Variants in TRAPPC13 observed in about 807,000 individuals in gnomAD.
TRAPPC13 encodes the protein REV7-interacting novel NHEJ regulator 1.
A neutral mutation model predicts 54.0 loss-of-function variants in TRAPPC13; 39 were observed. That is an observed-to-expected ratio of 0.72 (90% CI 0.56 to 0.94). TRAPPC13 has a LOEUF of 0.94. Ranked by LOEUF, TRAPPC13 falls within the 40% of genes least tolerant of loss-of-function variation. The pLI is 0.00. For missense variants in TRAPPC13, 386 were observed against 488.1 expected (o/e 0.79, Z 1.97); for synonymous variants, 148 against 167.7 (o/e 0.88, Z 0.91).
At chr5:65,653,668 G>C (rs1756554747) in intron 7 of TRAPPC13, among the ~76,000 whole-genome samples, 1 of 152,176 alleles carries the variant, frequency 6.6e-6, no homozygotes, top group South Asian at 2.1e-4. Flanking sequence ...TGAAAGGAAT[G>C]CAGGTTGGAA....
At chr5:65,634,717 C>A (rs2150666894) in intron 1 of TRAPPC13, among the ~76,000 whole-genome samples, 1 of 146,982 alleles carries the variant, frequency 6.8e-6, no homozygotes, top group African/African-American at 2.5e-5. Context: ...ATGGTGAAAC[C>A]CCGTCTCTAC....
At position 65,625,115 on chromosome 5, in the gene TRAPPC13, T is replaced by C. The variant is rs1342944205; in HGVS notation, c.46+9T>C. 1.2e-6 allele frequency: 2 copies of C among 1,611,976 alleles called. No homozygotes were observed. The highest frequency in any genetic ancestry group is 2.2e-5 in the East Asian group (1 of 44,862). On this transcript the variant is annotated intron_variant, in intron 1 of 12. Transcript: ENST00000399438. ...CCTGCTGGCGCTAAAAGGTAAACTTTTGCGAACCTGATTCCCCCTTTTCTG... is the reference window on the plus strand; with the variant it reads ...CCTGCTGGCGCTAAAAGGTAAACTTCTGCGAACCTGATTCCCCCTTTTCTG...
intron 5 of TRAPPC13, among the ~76,000 whole-genome samples, chr5:65,648,389 T>C (rs1756290690): frequency 1.0e-5 from 1 of 95,768 alleles, no homozygotes; most frequent in African/African-American, 3.6e-5. Flanking sequence ...ATTTACTTAT[T>C]GAGTGCCTGT....
At chr5:65,632,310 C>G (rs1755578875) in intron 1 of TRAPPC13, among the ~76,000 whole-genome samples, 1 of 152,142 alleles carries the variant, frequency 6.6e-6, no homozygotes, top group Non-Finnish European at 1.5e-5. Context: ...CTGTGTATCA[C>G]TTTCAGGGCA....
rs1484645976 is a variant in TRAPPC13, at chr5:65,636,026, T to C, written c.198T>C (p.Thr66=). 1 of 1,594,324 alleles carries C rather than the reference T, an allele frequency of 6.3e-7. No homozygotes were observed. The highest frequency in any genetic ancestry group is 1.1e-5 in the South Asian group (1 of 87,540). ...AEVLMLGEML[T]LPQNFGNIFL... is the part of the protein sequence containing the mutation. Reference sequence around the variant, plus strand: ...TTTTAATGTTGGGAGAAATGCTGACTTTACCACAGAATTTTGGGTAAGAAT... The same window carrying C: ...TTTTAATGTTGGGAGAAATGCTGACCTTACCACAGAATTTTGGGTAAGAAT... The change falls in exon 3 of 13, where the codon ACT becomes ACC. Residue 66 remains threonine, a synonymous_variant. Coordinates refer to ENST00000399438, the MANE Select transcript of TRAPPC13 (RefSeq NM_024941.4).
At chr5:65,634,486 T>G (rs1358266424) in intron 1 of TRAPPC13, among the ~76,000 whole-genome samples, 1 of 152,234 alleles carries the variant, frequency 6.6e-6, no homozygotes, top group Non-Finnish European at 1.5e-5. Flanking sequence ...AAATAAACTT[T>G]AGACACATTC....
rs975383572 is a variant in TRAPPC13 at position 65,665,948 on chromosome 5, T to C, written c.*1337T>C. 3 of 152,612 alleles carry C rather than the reference T, an allele frequency of 2.0e-5. No individual in the cohort carries two copies. The highest frequency in any genetic ancestry group is 2.9e-5 in the Non-Finnish European group (2 of 67,992). 9.5% of individuals were successfully genotyped at this position (152,612 alleles called of 1,614,324 possible). A position where few individuals can be genotyped will look rare whatever the true frequency, so the allele number is the denominator to read the frequency against. On this transcript the variant is annotated 3_prime_UTR_variant, in exon 13 of 13. Transcript: ENST00000399438. Reference sequence around the variant, plus strand: ...AAAAATTGGTTTTTCAATGCATCATTATTTATTGCCATAACAAATTGTTTG... The same window carrying C: ...AAAAATTGGTTTTTCAATGCATCATCATTTATTGCCATAACAAATTGTTTG...
In TRAPPC13 at chr5:65,665,864, T is replaced by G. The variant is rs902948810; in HGVS notation, c.*1253T>G. ...ATAAAAGCTATTCTATTTTGGTAAG[T>G]TGAAATTCAAGAATGTATATATAAT... is the stretch of plus-strand genomic sequence containing the variant. On this transcript the variant is annotated 3_prime_UTR_variant, in exon 13 of 13. Coordinates refer to ENST00000399438, the MANE Select transcript of TRAPPC13 (RefSeq NM_024941.4). The G allele has an allele frequency of 6.6e-6, 1 of 152,616 alleles. No homozygotes were observed. The highest frequency in any genetic ancestry group is 6.5e-5 in the Admixed American group (1 of 15,276). The allele number at this position is 152,616 out of a possible 1,614,324, so 9.5% of individuals were successfully genotyped here.
chr5:65,644,605 G>A (rs1756109799), intron 4 of TRAPPC13, among the ~76,000 whole-genome samples: 1 of 152,114 alleles, frequency 6.6e-6, no homozygotes, highest in African/African-American at 2.4e-5. Flanking sequence ...TTTATATCTG[G>A]GCGCAGTGGC....
At position 65,662,165 on chromosome 5, in the gene TRAPPC13, T is replaced by G. The variant is rs773932245; in HGVS notation, c.998+15T>G. Reference sequence around the variant, plus strand: ...ACAAACTGCAGGTAATGCCACTGTTTGTAGATGGATGTCCTTTCTACCTCA... The same window carrying G: ...ACAAACTGCAGGTAATGCCACTGTTGGTAGATGGATGTCCTTTCTACCTCA... On this transcript the variant is annotated intron_variant, in intron 11 of 12. Transcript: ENST00000399438. 2 of 1,540,364 alleles carry G rather than the reference T, an allele frequency of 1.3e-6. No homozygotes were observed. The highest frequency in any genetic ancestry group is 1.8e-6 in the Non-Finnish European group (2 of 1,128,294).
chr5:65,647,036 T>C lies in TRAPPC13; in HGVS notation c.301-19T>C. 1 of 1,525,224 alleles carries C rather than the reference T, an allele frequency of 6.6e-7. No individual in the cohort carries two copies. Among genetic ancestry groups the C allele is most frequent in the South Asian group, 1.3e-5 (1 of 78,778 alleles). The allele number at this position is 1,525,224 out of a possible 1,614,324, so 94.5% of individuals were successfully genotyped here. A position where few individuals can be genotyped will look rare whatever the true frequency, so the allele number is the denominator to read the frequency against. The stretch of plus-strand genomic sequence containing the variant: ...CAGTCTCATTTGGACTTTTTTTTTT[T>C]TTTTAACTTTCTTTCAAGGCTGATC... On this transcript the variant is annotated intron_variant, in intron 4 of 12. Transcript: ENST00000399438.
Position 65,652,501 on chromosome 5 carries a change from G to A in TRAPPC13, c.502G>A (p.Val168Ile). ...TGATTGATATGCTTTATTTAACCAG[G>A]TTCTCAAACCATTGGATGTGAAAAC... ...MYFRKFFKFQ[V>I]LKPLDVKTKF... Residue 168 changes from valine to isoleucine, a missense_variant and splice_region_variant, in exon 7 of 13, where the codon GTT becomes ATT. Coordinates refer to ENST00000399438, the MANE Select transcript of TRAPPC13 (RefSeq NM_024941.4). 1.2e-6 allele frequency: 2 copies of A among 1,603,532 alleles called. No individual in the cohort carries two copies. Among genetic ancestry groups the A allele is most frequent in the Non-Finnish European group, 1.7e-6 (2 of 1,171,180 alleles).
chr5:65,661,026 GA>G lies in TRAPPC13; in HGVS notation c.897+133del, dbSNP rs1756834003. ...AAAAGGCATTACTACTACTGGAGCAGAAAAGATTAATAGTGTCACTGATAGG... is the reference window on the plus strand; with the variant it reads ...AAAAGGCATTACTACTACTGGAGCAGAAAGATTAATAGTGTCACTGATAGG... On this transcript the variant is annotated intron_variant, in intron 10 of 12. Transcript: ENST00000399438. The G allele has an allele frequency of 4.3e-6, 3 of 696,332 alleles. No homozygotes were observed. In the South Asian group the frequency reaches 6.4e-5, roughly 15 times the overall value. The allele number at this position is 696,332 out of a possible 1,614,324, so 43.1% of individuals were successfully genotyped here. A position where few individuals can be genotyped will look rare whatever the true frequency, so the allele number is the denominator to read the frequency against.
At chr5:65,636,862 T>C (rs1022225047) in intron 3 of TRAPPC13, among the ~76,000 whole-genome samples, 1 of 152,232 alleles carries the variant, frequency 6.6e-6, no homozygotes, top group African/African-American at 2.4e-5. Flanking sequence ...TTTTATAGTT[T>C]TACAGAATGT....
chr5:65,630,847 C>T (rs922631712), intron 1 of TRAPPC13: 11 of 214,970 alleles, frequency 5.1e-5, no homozygotes, highest in African/African-American at 1.2e-4. Context: ...TTGCCTAAAA[C>T]GATAATGTAT....
At chr5:65,643,535 T>G (rs1384105910) in intron 4 of TRAPPC13, among the ~76,000 whole-genome samples, 1 of 152,080 alleles carries the variant, frequency 6.6e-6, no homozygotes, top group African/African-American at 2.4e-5. Context: ...GACTGCTGTT[T>G]CGGCTGGGTG....
intron 5 of TRAPPC13, 131 bp from the exon 6 acceptor site, chr5:65,650,679 C>T: frequency 1.6e-6 from 1 of 640,524 alleles, no homozygotes; most frequent in Non-Finnish European, 2.7e-6. Flanking sequence ...ACTTTTTCCC[C>T]TGCTCTAATC....
At chr5:65,638,983 C>T (rs1454140249) in intron 4 of TRAPPC13, among the ~76,000 whole-genome samples, 1 of 152,120 alleles carries the variant, frequency 6.6e-6, no homozygotes, top group Non-Finnish European at 1.5e-5. Flanking sequence ...ACCTGGGAAG[C>T]TGAGGCAGGA....
At chr5:65,636,178 C>G (rs1755739980) in intron 3 of TRAPPC13, 135 bp downstream of exon 3, 1 of 598,498 alleles carries the variant, frequency 1.7e-6, no homozygotes, top group Non-Finnish European at 2.9e-6. Context: ...GAGTCTCGCT[C>G]TATTGCCCAG....
Sources: gnomAD v4.1 joint callset for allele counts (sites outside exome capture counted in the v4.1 genomes callset) on GRCh38, gnomAD v4.1.1 for gene constraint, MANE v1.5 for transcripts, NCBI Gene and HGNC (gene_info 2026-07-23, HGNC 2026-07-21) for gene names.